The following SYTL3 variants were observed in gnomAD, a reference collection of about 807,000 sequenced individuals.
The protein encoded by SYTL3 is synaptotagmin like 3, also known as synaptotagmin-like protein 3.
SYTL3 carries 88 observed loss-of-function variants against 82.1 expected under a neutral mutation model. That is an observed-to-expected ratio of 1.07 (90% CI 0.90 to 1.28). The LOEUF is 1.28. Among genes scored for constraint, SYTL3 ranks in the 50% most tolerant of loss-of-function variants. SYTL3 has a pLI of 0.00. For synonymous variants in SYTL3, 311 were observed against 289.4 expected (o/e 1.07, Z -0.76); for missense variants, 831 against 757.6 (o/e 1.10, Z -1.14).
At chr6:158,729,898 T>C (rs1269642505) in intron 11 of SYTL3, among the ~76,000 whole-genome samples, 1 of 151,388 alleles carries the variant, frequency 6.6e-6, no homozygotes, top group East Asian at 1.9e-4. Flanking sequence ...CTTTTTTTTG[T>C]TAAAGGATAA....
At chr6:158,668,448 C>T (rs903928607) in intron 5 of SYTL3, among the ~76,000 whole-genome samples, 3 of 152,120 alleles carry the variant, frequency 2.0e-5, no homozygotes, top group Non-Finnish European at 4.4e-5. Context: ...AGGCTGGCCT[C>T]GAATTCCTGA....
upstream of SYTL3, among the ~76,000 whole-genome samples, chr6:158,645,699 A>G (rs1340662568): frequency 2.6e-5 from 4 of 152,114 alleles, no homozygotes; most frequent in African/African-American, 9.7e-5. Context: ...TCGGACTGTA[A>G]CCTGGTCGGT....
At chr6:158,731,604 T>C (rs766429030) in intron 11 of SYTL3, among the ~76,000 whole-genome samples, 1 of 152,132 alleles carries the variant, frequency 6.6e-6, no homozygotes, top group Non-Finnish European at 1.5e-5. Flanking sequence ...TTTGTTGTCG[T>C]TGTTGTTGAG....
chr6:158,708,544 G>A (rs573717544), intron 8 of SYTL3, among the ~76,000 whole-genome samples, 153 bp downstream of exon 8: 13 of 152,268 alleles, frequency 8.5e-5, no homozygotes, highest in African/African-American at 1.9e-4. Flanking sequence ...GGTGGGGAGC[G>A]AGGGCCCTCA....
chr6:158,733,420 A>G (rs1785677268), intron 11 of SYTL3, among the ~76,000 whole-genome samples: 1 of 151,954 alleles, frequency 6.6e-6, no homozygotes, highest in Non-Finnish European at 1.5e-5. Context: ...TCCGCCTCCC[A>G]GGTTCACGCC....
intron 5 of SYTL3, among the ~76,000 whole-genome samples, chr6:158,668,960 G>A (rs1482709007): frequency 6.6e-6 from 1 of 152,194 alleles, no homozygotes; most frequent in East Asian, 1.9e-4. Flanking sequence ...GTTTTCAGTA[G>A]TGAAGGGGCT....
At chr6:158,661,073 C>T (rs554571491) in intron 2 of SYTL3, among the ~76,000 whole-genome samples, 196 bp from the exon 3 acceptor site, 2 of 152,206 alleles carry the variant, frequency 1.3e-5, no homozygotes, top group South Asian at 4.2e-4. Context: ...TAAATGAAAA[C>T]TCAAGAATTA....
intron 7 of SYTL3, 120 bp downstream of exon 7, chr6:158,707,401 T>A: frequency 1.4e-6 from 1 of 691,756 alleles, no homozygotes; most frequent in Admixed American, 3.2e-5. Flanking sequence ...TGTGACTCTT[T>A]TTTTTTTTTT....
intron 6 of SYTL3, among the ~76,000 whole-genome samples, chr6:158,685,245 G>C (rs953588601): frequency 1.7e-4 from 23 of 137,228 alleles, no homozygotes; most frequent in Non-Finnish European, 3.4e-4. Context: ...ATGGAGTCTC[G>C]TTCTGTCATC....
chr6:158,693,697 T>TTTTCTTTCTTTCTCTTTCTTTC (rs1780173000), intron 6 of SYTL3, among the ~76,000 whole-genome samples: 1 of 130,494 alleles, frequency 7.7e-6, no homozygotes, highest in Non-Finnish European at 1.5e-5. Flanking sequence ...TTTCTTTTCG[T>TTTTCTTTCTTTCTCTTTCTTTC]TTTCTTTCTT....
At chr6:158,712,746 CT>C (rs1359783190) in intron 8 of SYTL3, among the ~76,000 whole-genome samples, 1 of 144,480 alleles carries the variant, frequency 6.9e-6, no homozygotes, top group Non-Finnish European at 1.5e-5. Flanking sequence ...CATTCTTTTT[CT>C]TTTCTTTCTT....
chr6:158,695,033 G>A (rs960616460), intron 6 of SYTL3, among the ~76,000 whole-genome samples: 18 of 152,134 alleles, frequency 1.2e-4, no homozygotes, highest in African/African-American at 4.1e-4. Flanking sequence ...TTGGGAGTTG[G>A]CAAACAACAG....
At chr6:158,688,260 GTC>G (rs1779499728) in intron 6 of SYTL3, among the ~76,000 whole-genome samples, 2 of 152,232 alleles carry the variant, frequency 1.3e-5, no homozygotes, top group Admixed American at 1.3e-4. Flanking sequence ...ATTTTGACAT[GTC>G]TGTTTATTTT....
At chr6:158,666,785 G>T (rs1790112350) in intron 5 of SYTL3, among the ~76,000 whole-genome samples, 1 of 152,200 alleles carries the variant, frequency 6.6e-6, no homozygotes, top group Non-Finnish European at 1.5e-5. Flanking sequence ...TAAGTGTCCT[G>T]TCCCTTTGCA....
intron 17 of SYTL3, among the ~76,000 whole-genome samples, chr6:158,764,259 T>G (rs554433136): frequency 1.3e-5 from 2 of 152,298 alleles, no homozygotes; most frequent in African/African-American, 4.8e-5. Flanking sequence ...ACTTTCAAAC[T>G]ACAGAACTCC....
intron 12 of SYTL3, among the ~76,000 whole-genome samples, chr6:158,746,481 T>TA (rs1554263769): frequency 6.7e-6 from 1 of 148,898 alleles, no homozygotes; most frequent in Non-Finnish European, 1.5e-5. Flanking sequence ...TTATTATTAT[T>TA]TTGAGGTGGA....
chr6:158,753,360 G>T (rs1275552309), intron 13 of SYTL3, among the ~76,000 whole-genome samples: 1 of 151,986 alleles, frequency 6.6e-6, no homozygotes, highest in African/African-American at 2.4e-5. Context: ...GAGATTACAG[G>T]CTTGAGCCAC....
At chr6:158,672,790 C>T (rs1307296911) in intron 5 of SYTL3, among the ~76,000 whole-genome samples, 3 of 151,914 alleles carry the variant, frequency 2.0e-5, no homozygotes, top group African/African-American at 4.8e-5. Flanking sequence ...TGTTACCACA[C>T]CCAGCTAATT....
At chr6:158,674,462 G>A (rs1180786518) in intron 5 of SYTL3, among the ~76,000 whole-genome samples, 2 of 152,140 alleles carry the variant, frequency 1.3e-5, no homozygotes, top group Non-Finnish European at 2.9e-5. Flanking sequence ...CTGCTGGCCT[G>A]GTCTTCTGGA....
Sources: allele counts gnomAD v4.1 joint callset (sites outside exome capture counted in the v4.1 genomes callset), GRCh38; gene constraint gnomAD v4.1.1; transcripts MANE v1.5; gene names NCBI Gene and HGNC (gene_info 2026-07-23, HGNC 2026-07-21).